CCDC149: variants seen among roughly 807,000 people sequenced by gnomAD.
The protein encoded by CCDC149 is coiled-coil domain containing 149, also known as coiled-coil domain-containing protein 149.
CCDC149 carries 45 observed loss-of-function variants against 59.9 expected under a neutral mutation model. The ratio of observed to expected loss-of-function variants is 0.75; its 90% CI spans 0.59 to 0.96. CCDC149 has a LOEUF of 0.96. CCDC149 is among the 40% of genes least tolerant of loss of function. The pLI, the probability that CCDC149 is intolerant of heterozygous loss-of-function variation, is 0.00. For missense variants in CCDC149, 584 were observed against 664.7 expected (o/e 0.88, Z 1.33); for synonymous variants, 245 against 260.6 (o/e 0.94, Z 0.58).
chr4:24,840,640 T>C (rs1210215514), intron 4 of CCDC149, among the ~76,000 whole-genome samples: 4 of 152,120 alleles, frequency 2.6e-5, no homozygotes, highest in Non-Finnish European at 2.9e-5. Flanking sequence ...ACTGGTGACT[T>C]TGCTGTTTCA....
chr4:24,943,575 T>A, intron 1 of CCDC149, among the ~76,000 whole-genome samples: 1 of 152,204 alleles, frequency 6.6e-6, no homozygotes, highest in Non-Finnish European at 1.5e-5. Context: ...TGGGATCTAA[T>A]GCAACTAAAG....
In CCDC149 at chr4:24,918,798, G is replaced by A. The variant is rs570227778; in HGVS notation, c.-64-23680C>T. ...GATCTGCAGCTCACAGCCATGGTGT[G>A]TCAGTGTATTGGGGCAACTGTTTCA... On this transcript the variant is annotated intron_variant, in intron 1 of 12. Coordinates refer to the CCDC149 transcript ENST00000389609. 4.6e-5 allele frequency among the ~76,000 whole-genome samples: 7 copies of A among 152,332 alleles called. No individual in the cohort carries two copies. The South Asian group carries it at 1.4e-3, about 32-fold the overall frequency.
intron 3 of CCDC149, among the ~76,000 whole-genome samples, chr4:24,857,139 T>C (rs1354696232): frequency 2.0e-5 from 3 of 152,160 alleles, no homozygotes; most frequent in Non-Finnish European, 4.4e-5. Context: ...TTTAAATCAA[T>C]ATTTCCTTAG....
chr4:24,853,605 AAG>A (rs1186767630), intron 3 of CCDC149, among the ~76,000 whole-genome samples: 20 of 148,012 alleles, frequency 1.4e-4, no homozygotes, highest in Non-Finnish European at 2.1e-4. Flanking sequence ...AAAAAAAAAA[AAG>A]AGAGAGAGAG....
intron 1 of CCDC149, among the ~76,000 whole-genome samples, chr4:24,969,389 T>C (rs1029247821): frequency 6.6e-6 from 1 of 152,192 alleles, no homozygotes; most frequent in African/African-American, 2.4e-5. Flanking sequence ...TATGGTTGCC[T>C]TCTGGCCATT....
intron 1 of CCDC149, among the ~76,000 whole-genome samples, chr4:24,934,316 T>C (rs1016665978): frequency 2.0e-5 from 3 of 152,220 alleles, no homozygotes; most frequent in Admixed American, 1.3e-4. Flanking sequence ...GTTTCCCCTT[T>C]TGCTTGGCTC....
intron 4 of CCDC149, among the ~76,000 whole-genome samples, chr4:24,842,806 T>C (rs1393140875): frequency 6.6e-6 from 1 of 152,222 alleles, no homozygotes; most frequent in Non-Finnish European, 1.5e-5. Context: ...TGATCTCTTC[T>C]TAGCCTTCGT....
At chr4:24,922,848 T>C (rs1387270860) in intron 1 of CCDC149, among the ~76,000 whole-genome samples, 2 of 152,226 alleles carry the variant, frequency 1.3e-5, no homozygotes, top group East Asian at 1.9e-4. Flanking sequence ...TGGTCTCAGA[T>C]GCCGTGTCCT....
Position 24,831,260 on chromosome 4 carries a change from ACTCAGTGTGTAG to A in CCDC149, c.965+234_965+245del, listed in dbSNP as rs554823942. 3.8e-5 allele frequency: 17 copies of A among 450,070 alleles called. No individual in the cohort carries two copies. In the South Asian group the frequency reaches 4.4e-4, roughly 12 times the overall value. 27.9% of individuals were successfully genotyped at this position (450,070 alleles called of 1,614,324 possible). On this transcript the variant is annotated intron_variant, in intron 9 of 12. Coordinates refer to ENST00000635206, the MANE Select transcript of CCDC149 (RefSeq NM_001330643.2). Reference sequence around the variant, plus strand: ...GGAACTCATCCATGAAATACATACTACTCAGTGTGTAGCTCAGAGTAAGCATTCAGTATGGCT... The same window carrying A: ...GGAACTCATCCATGAAATACATACTACTCAGAGTAAGCATTCAGTATGGCT...
At chr4:24,944,514 C>T (rs1483246171) in intron 1 of CCDC149, among the ~76,000 whole-genome samples, 2 of 150,344 alleles carry the variant, frequency 1.3e-5, no homozygotes, top group Non-Finnish European at 3.0e-5. Context: ...CAAACCTGCA[C>T]GTTGTGCACA....
At chr4:24,928,571 C>T (rs1184450117) in intron 1 of CCDC149, among the ~76,000 whole-genome samples, 2 of 152,130 alleles carry the variant, frequency 1.3e-5, no homozygotes, top group Admixed American at 1.3e-4. Context: ...TCCAAGAATC[C>T]CCTCTCAGCT....
chr4:24,915,601 G>T (rs1419657914), upstream of CCDC149, among the ~76,000 whole-genome samples: 1 of 152,158 alleles, frequency 6.6e-6, no homozygotes. Context: ...AGTTATTACG[G>T]TATTTAAAAA....
At chr4:24,874,562 A>G (rs1327880770) in intron 2 of CCDC149, among the ~76,000 whole-genome samples, 1 of 152,072 alleles carries the variant, frequency 6.6e-6, no homozygotes, top group Non-Finnish European at 1.5e-5. Context: ...AGCCTGGGCA[A>G]CAGAGTGAGA....
intron 1 of CCDC149, among the ~76,000 whole-genome samples, chr4:24,960,099 T>C (rs1032770125): frequency 2.0e-5 from 3 of 152,202 alleles, no homozygotes; most frequent in Admixed American, 6.5e-5. Context: ...AAAAGTAAGA[T>C]ATATACAATA....
intron 1 of CCDC149, among the ~76,000 whole-genome samples, chr4:24,909,057 A>C (rs1484576590): frequency 6.6e-6 from 1 of 152,182 alleles, no homozygotes; most frequent in East Asian, 1.9e-4. Context: ...CTTCTTTCAC[A>C]CGCATGGGTG....
At chr4:24,899,360 T>C (rs17594723) in intron 1 of CCDC149, among the ~76,000 whole-genome samples, 1 of 152,016 alleles carries the variant, frequency 6.6e-6, no homozygotes, top group Non-Finnish European at 1.5e-5. Context: ...AGAAGGAGCA[T>C]GAGTTCCACT....
intron 12 of CCDC149, among the ~76,000 whole-genome samples, chr4:24,815,848 C>A (rs1343165625): frequency 6.6e-6 from 1 of 152,020 alleles, no homozygotes. Context: ...GCAGTGGGTG[C>A]AGGGGGGTGC....
At chr4:24,819,237 A>C (rs1366758971) in intron 12 of CCDC149, among the ~76,000 whole-genome samples, 1 of 152,256 alleles carries the variant, frequency 6.6e-6, no homozygotes, top group Non-Finnish European at 1.5e-5. Flanking sequence ...AAGGAAACTG[A>C]GGCTGAAGTC....
chr4:24,921,101 A>T (rs533066837), intron 1 of CCDC149, among the ~76,000 whole-genome samples: 60 of 152,342 alleles, frequency 3.9e-4, no homozygotes, highest in African/African-American at 1.4e-3. Flanking sequence ...CCTGGCACAT[A>T]GTAGGTGCTT....
Sources: gnomAD v4.1 joint callset for allele counts (sites outside exome capture counted in the v4.1 genomes callset) on GRCh38, gnomAD v4.1.1 for gene constraint, MANE v1.5 for transcripts, NCBI Gene and HGNC (gene_info 2026-07-23, HGNC 2026-07-21) for gene names.